TBX4: variants seen among roughly 807,000 people sequenced by gnomAD.
TBX4 encodes the protein T-box transcription factor 4, also known as T-box transcription factor TBX4.
In TBX4, 13 loss-of-function variants were observed where a neutral mutation model predicts 54.6. The observed-to-expected ratio is 0.24, with a 90% CI of 0.15 to 0.38. TBX4 has a LOEUF of 0.38. Ranked by LOEUF, TBX4 falls within the 10% of genes least tolerant of loss-of-function variation. TBX4 has a pLI of 1.00. For synonymous variants in TBX4, 314 were observed against 306.7 expected (o/e 1.02, Z -0.25); for missense variants, 631 against 728.5 (o/e 0.87, Z 1.54).
rs8070771 is a variant in TBX4, at chr17:61,482,632, A to C, written c.1022-265A>C. ...TCAGGCTGGCGAAGGATCAAAGCCG[A>C]GTGCTGCCTGGCTAAGCCTGGCCCT... On this transcript the variant is annotated intron_variant, in intron 8 of 8. Coordinates refer to ENST00000644296, the MANE Select transcript of TBX4 (RefSeq NM_001321120.2). Among the ~76,000 whole-genome samples, 623 of 152,284 alleles carry C rather than the reference A, an allele frequency of 4.1e-3. 3 individuals carry two copies. Among genetic ancestry groups the C allele is most frequent in the African/African-American group, 0.015 (603 of 41,578 alleles).
At position 61,479,757 on chromosome 17, in the gene TBX4, G is replaced by A. The variant is rs1159012919; in HGVS notation, c.703-124G>A. ...CTCCCCAAGGAGGGTAGTGAGAAGC[G>A]GTGAGGCTGGAGAGCGACCCCTGAG... On this transcript the variant is annotated intron_variant, in intron 6 of 8. Transcript: ENST00000644296. The surrounding 1 kb of genome is among the most constrained non-coding windows in gnomAD (Gnocchi z 6.1). 5.0e-6 allele frequency: 5 copies of A among 992,910 alleles called. No individual in the cohort carries two copies. Among genetic ancestry groups the A allele is most frequent in the Middle Eastern group, 2.4e-4 (1 of 4,194 alleles). The allele number at this position is 992,910 out of a possible 1,614,324, so 61.5% of individuals were successfully genotyped here.
Position 61,464,068 on chromosome 17 carries a change from A to C in TBX4, c.282-1751A>C, listed in dbSNP as rs1006510486. The C allele has an allele frequency of 1.3e-5, 2 of 152,218 alleles. No homozygotes were observed. The highest frequency in any genetic ancestry group is 2.9e-5 in the Non-Finnish European group (2 of 68,048). 9.4% of individuals were successfully genotyped at this position (152,218 alleles called of 1,614,324 possible). On this transcript the variant is annotated intron_variant, in intron 3 of 8. Transcript: ENST00000644296. This position sits in a 1 kb window ranked among gnomAD's most constrained non-coding sequence, Gnocchi z 5.8. ...GAGGGGGTGGGGTGGGTATTTGAAA[A>C]TGCTTTCAATTGACATCTGAGACAA...
intron 1 of TBX4, among the ~76,000 whole-genome samples, chr17:61,454,893 G>T (rs1309894317): frequency 6.6e-6 from 1 of 152,220 alleles, no homozygotes; most frequent in Non-Finnish European, 1.5e-5. Flanking sequence ...CCAGCGGATC[G>T]CTTGGTCGCT....
rs1018660218 is a variant in TBX4, at chr17:61,482,946, A to G, written c.1071A>G (p.Glu357=). The change falls in exon 9 of 9, where the codon GAA becomes GAG. Residue 357 remains glutamate, a synonymous_variant. Coordinates refer to ENST00000644296, the MANE Select transcript of TBX4 (RefSeq NM_001321120.2). ...LDLPCKRSYL[E]APSSVGEDHY... The stretch of plus-strand genomic sequence containing the variant: ...TACCTTGCAAGCGATCCTATCTGGA[A>G]GCCCCCTCTTCGGTGGGGGAGGATC... The G allele has an allele frequency of 3.7e-6, 6 of 1,613,758 alleles. No homozygotes were observed. In the African/African-American group the frequency reaches 8.0e-5, roughly 22 times the overall value.
Position 61,478,325 on chromosome 17 carries a change from G to C in TBX4, c.550-302G>C, listed in dbSNP as rs2143855932. On this transcript the variant is annotated intron_variant, in intron 5 of 8. Transcript: ENST00000644296. This position sits in a 1 kb window ranked among gnomAD's most constrained non-coding sequence, Gnocchi z 7.4. ...CTGTGCTGAGTTCACAGTGGGCTTT[G>C]ACAGTGTTAAGGGCTGACTCAAGTT... 2.2e-6 allele frequency: 1 copy of C among 450,984 alleles called. No homozygotes were observed. Among genetic ancestry groups the C allele is most frequent in the East Asian group, 4.5e-5 (1 of 22,006 alleles). The allele number at this position is 450,984 out of a possible 1,614,324, so 27.9% of individuals were successfully genotyped here. A position where few individuals can be genotyped will look rare whatever the true frequency, so the allele number is the denominator to read the frequency against.
chr17:61,453,651 A>G (rs1462919747), intron 1 of TBX4, among the ~76,000 whole-genome samples: 1 of 152,226 alleles, frequency 6.6e-6, no homozygotes, highest in African/African-American at 2.4e-5. Flanking sequence ...ATTACAAAGT[A>G]TGACAAAATA....
intron 5 of TBX4, among the ~76,000 whole-genome samples, chr17:61,471,892 A>ATTTTTTTTTTT (rs35198276): frequency 8.2e-5 from 6 of 72,926 alleles, no homozygotes; most frequent in African/African-American, 3.1e-4. Context: ...TGCCCAGCTA[A>ATTTTTTTTTTT]TTTTTTTTTT....
intron 8 of TBX4, among the ~76,000 whole-genome samples, chr17:61,482,512 A>G (rs928633535): frequency 1.3e-5 from 2 of 152,198 alleles, no homozygotes; most frequent in African/African-American, 2.4e-5. Flanking sequence ...GCCTCTGGGC[A>G]TGGGCTGGCC....
chr17:61,479,778 C>T lies in TBX4; in HGVS notation c.703-103C>T, dbSNP rs559034607. 82 of 1,240,884 alleles carry T rather than the reference C, an allele frequency of 6.6e-5. No homozygotes were observed. In the South Asian group the frequency reaches 9.7e-4, roughly 15 times the overall value. 76.9% of individuals were successfully genotyped at this position (1,240,884 alleles called of 1,614,324 possible). ...AAGCGGTGAGGCTGGAGAGCGACCC[C>T]TGAGGGAGGGAGGTTACATGTTATG... is the stretch of plus-strand genomic sequence containing the variant. On this transcript the variant is annotated intron_variant, in intron 6 of 8. Coordinates refer to ENST00000644296, the MANE Select transcript of TBX4 (RefSeq NM_001321120.2). This position sits in a 1 kb window ranked among gnomAD's most constrained non-coding sequence, Gnocchi z 6.1.
At position 61,479,745 on chromosome 17, in the gene TBX4, G is replaced by A; in HGVS notation, c.703-136G>A. 3.4e-6 allele frequency: 3 copies of A among 890,730 alleles called. No individual in the cohort carries two copies. The highest frequency in any genetic ancestry group is 1.9e-6 in the Non-Finnish European group (1 of 538,882). 55.2% of individuals were successfully genotyped at this position (890,730 alleles called of 1,614,324 possible). A position where few individuals can be genotyped will look rare whatever the true frequency, so the allele number is the denominator to read the frequency against. On this transcript the variant is annotated intron_variant, in intron 6 of 8. Transcript: ENST00000644296. This position sits in a 1 kb window ranked among gnomAD's most constrained non-coding sequence, Gnocchi z 6.1. ...AGTCCCACCCTCCTCCCCAAGGAGG[G>A]TAGTGAGAAGCGGTGAGGCTGGAGA... is the stretch of plus-strand genomic sequence containing the variant.
At position 61,465,485 on chromosome 17, in the gene TBX4, G is replaced by C. The variant is rs1233037496; in HGVS notation, c.282-334G>C. 6.6e-6 allele frequency among the ~76,000 whole-genome samples: 1 copy of C among 152,246 alleles called. No individual in the cohort carries two copies. Among genetic ancestry groups the C allele is most frequent in the African/African-American group, 2.4e-5 (1 of 41,458 alleles). The stretch of plus-strand genomic sequence containing the variant: ...ATCTGCTCCCACAATCCTGACTGGG[G>C]TCTCTGTGCTTCAGCTGCTCATGGG... On this transcript the variant is annotated intron_variant, in intron 3 of 8. Coordinates refer to ENST00000644296, the MANE Select transcript of TBX4 (RefSeq NM_001321120.2). The surrounding 1 kb of genome is among the most constrained non-coding windows in gnomAD (Gnocchi z 4.9).
chr17:61,467,158 A>G (rs1027797679), intron 4 of TBX4, among the ~76,000 whole-genome samples: 3 of 152,196 alleles, frequency 2.0e-5, no homozygotes, highest in African/African-American at 7.2e-5. Context: ...TCTCTTAAAA[A>G]GAAAAAAAAA....
chr17:61,454,423 C>T (rs891338755), intron 1 of TBX4, among the ~76,000 whole-genome samples: 1 of 152,244 alleles, frequency 6.6e-6, no homozygotes, highest in South Asian at 2.1e-4. Context: ...AGGACGAGAG[C>T]GGACCGCTAT....
chr17:61,458,679 C>T (rs1278242214), intron 3 of TBX4, among the ~76,000 whole-genome samples: 3 of 152,182 alleles, frequency 2.0e-5, no homozygotes, highest in Non-Finnish European at 4.4e-5. Context: ...CTCCCCACTC[C>T]ATCTGTAAAA....
chr17:61,471,892 A>ATTTTTTTTT lies in TBX4; in HGVS notation c.549+4258_549+4266dup, dbSNP rs35198276. ...AGGTGCCTGCCACTATGCCCAGCTA[A>ATTTTTTTTT]TTTTTTTTTTTTTTTTTTTTTTTTT... is the stretch of plus-strand genomic sequence containing the variant. On this transcript the variant is annotated intron_variant, in intron 5 of 8. Transcript: ENST00000644296. Among the ~76,000 whole-genome samples the ATTTTTTTTT allele has an allele frequency of 2.6e-4, 19 of 72,944 alleles. 1 individual carries two copies. The highest frequency in any genetic ancestry group is 9.8e-4 in the African/African-American group (19 of 19,304). 47.9% of individuals were successfully genotyped at this position (72,944 alleles called of 152,430 possible). A position where few individuals can be genotyped will look rare whatever the true frequency, so the allele number is the denominator to read the frequency against.
At chr17:61,458,244 G>A (rs769686909) in intron 3 of TBX4, among the ~76,000 whole-genome samples, 1 of 150,428 alleles carries the variant, frequency 6.6e-6, no homozygotes, top group Non-Finnish European at 1.5e-5. Context: ...AAATGCGCTG[G>A]TGTCTGTGGG....
chr17:61,476,132 C>A lies in TBX4; in HGVS notation c.550-2495C>A, dbSNP rs1327187425. On this transcript the variant is annotated intron_variant, in intron 5 of 8. Coordinates refer to ENST00000644296, the MANE Select transcript of TBX4 (RefSeq NM_001321120.2). This position sits in a 1 kb window ranked among gnomAD's most constrained non-coding sequence, Gnocchi z 6.5. Reference sequence around the variant, plus strand: ...AAAAGGATAAAAGGTATAGCCCTTTCTCCTGAGGAGTTTAGAGTTTAATTG... The same window carrying A: ...AAAAGGATAAAAGGTATAGCCCTTTATCCTGAGGAGTTTAGAGTTTAATTG... 5.3e-5 allele frequency among the ~76,000 whole-genome samples: 8 copies of A among 152,142 alleles called. No homozygotes were observed. The highest frequency in any genetic ancestry group is 1.2e-4 in the Non-Finnish European group (8 of 68,028).
chr17:61,475,590 G>A lies in TBX4; in HGVS notation c.550-3037G>A, dbSNP rs1423146635. ...TTTTGTTTTATAGATAGAGTCACAG[G>A]AATCGGTCACTGAGTGGACCTGGAG... On this transcript the variant is annotated intron_variant, in intron 5 of 8. Transcript: ENST00000644296. The surrounding 1 kb of genome is among the most constrained non-coding windows in gnomAD (Gnocchi z 5.0). 6.6e-6 allele frequency among the ~76,000 whole-genome samples: 1 copy of A among 152,172 alleles called. No homozygotes were observed. Among genetic ancestry groups the A allele is most frequent in the Non-Finnish European group, 1.5e-5 (1 of 68,032 alleles).
rs927617277 is a variant in TBX4, at chr17:61,461,798, C to A, written c.282-4021C>A. ...TTGAAACCGCTCTCTAGACTTCTGA[C>A]CCCTTCTGGCTGGTGTTCCCCTACA... On this transcript the variant is annotated intron_variant, in intron 3 of 8. Coordinates refer to ENST00000644296, the MANE Select transcript of TBX4 (RefSeq NM_001321120.2). The surrounding 1 kb of genome is among the most constrained non-coding windows in gnomAD (Gnocchi z 5.1). Among the ~76,000 whole-genome samples the A allele has an allele frequency of 1.3e-5, 2 of 152,134 alleles. No homozygotes were observed. Among genetic ancestry groups the A allele is most frequent in the Non-Finnish European group, 2.9e-5 (2 of 68,020 alleles).
Sources: gnomAD v4.1 joint callset for allele counts (sites outside exome capture counted in the v4.1 genomes callset) on GRCh38, gnomAD v4.1.1 for gene constraint, Gnocchi (gnomAD v3.1) non-coding constraint, MANE v1.5 for transcripts, NCBI Gene and HGNC (gene_info 2026-07-23, HGNC 2026-07-21) for gene names.